The following TTC23 variants were observed in gnomAD, a reference collection of about 807,000 sequenced individuals.
TTC23 encodes tetratricopeptide repeat protein 23.
TTC23 carries 58 observed loss-of-function variants against 55.1 expected under a neutral mutation model. That is an observed-to-expected ratio of 1.05 (90% CI 0.85 to 1.31). TTC23 has a LOEUF of 1.31. Among genes scored for constraint, TTC23 ranks in the 50% most tolerant of loss-of-function variants. The pLI is 0.00. For synonymous variants in TTC23, 203 were observed against 199.9 expected (o/e 1.02, Z -0.13); for missense variants, 516 against 534.4 (o/e 0.97, Z 0.34).
intron 12 of TTC23, among the ~76,000 whole-genome samples, chr15:99,149,674 A>G (rs1302827552): frequency 6.6e-6 from 1 of 152,210 alleles, no homozygotes; most frequent in African/African-American, 2.4e-5. Flanking sequence ...ATATAAGAAC[A>G]ACCTGCCCAC....
At chr15:99,208,860 G>A (rs140159530) in intron 8 of TTC23, among the ~76,000 whole-genome samples, 80 of 152,280 alleles carry the variant, frequency 5.3e-4, no homozygotes, top group Middle Eastern at 3.4e-3. Flanking sequence ...ATTTTCTTAT[G>A]TGTAATGTTT....
chr15:99,191,721 G>A (rs1005689392), intron 9 of TTC23, among the ~76,000 whole-genome samples: 1 of 152,182 alleles, frequency 6.6e-6, no homozygotes, highest in Admixed American at 6.5e-5. Flanking sequence ...CATGAAAACA[G>A]ACTAATACAG....
chr15:99,233,265 G>GT (rs1249624913), intron 4 of TTC23, among the ~76,000 whole-genome samples: 3 of 152,168 alleles, frequency 2.0e-5, no homozygotes, highest in Non-Finnish European at 4.4e-5. Flanking sequence ...TAATACATAT[G>GT]TTAATTAGCT....
intron 12 of TTC23, among the ~76,000 whole-genome samples, chr15:99,147,752 A>G (rs2151854009): frequency 6.6e-6 from 1 of 152,298 alleles, no homozygotes; most frequent in Admixed American, 6.5e-5. Flanking sequence ...TGGGTTAGTC[A>G]AAGATGATTA....
intron 6 of TTC23, 74 bp downstream of exon 6, chr15:99,221,667 T>A (rs1403661784): frequency 1.7e-5 from 27 of 1,587,802 alleles, no homozygotes; most frequent in Non-Finnish European, 2.0e-5. Flanking sequence ...TCCTTCTAAT[T>A]AAGTGTGAAT....
chr15:99,172,164 C>T (rs536099360), intron 10 of TTC23, among the ~76,000 whole-genome samples: 12 of 152,056 alleles, frequency 7.9e-5, no homozygotes, highest in Non-Finnish European at 1.0e-4. Flanking sequence ...ACTACAGGCG[C>T]GCACCACCAC....
intron 1 of TTC23, among the ~76,000 whole-genome samples, chr15:99,246,381 C>A (rs974163160): frequency 6.6e-6 from 1 of 151,950 alleles, no homozygotes; most frequent in East Asian, 1.9e-4. Flanking sequence ...TTTGGGAGGC[C>A]GAGGTGGGCA....
chr15:99,199,646 G>T (rs956168525), intron 9 of TTC23, among the ~76,000 whole-genome samples: 1 of 152,042 alleles, frequency 6.6e-6, no homozygotes, highest in Non-Finnish European at 1.5e-5. Flanking sequence ...GGTAACATAC[G>T]CTCTAAATAG....
chr15:99,188,855 G>A (rs1410048471), intron 9 of TTC23, among the ~76,000 whole-genome samples: 1 of 152,042 alleles, frequency 6.6e-6, no homozygotes, highest in Non-Finnish European at 1.5e-5. Context: ...ATCATACATT[G>A]CTAATGGAAA....
chr15:99,150,302 C>T (rs782254683), intron 12 of TTC23, among the ~76,000 whole-genome samples: 2 of 152,186 alleles, frequency 1.3e-5, no homozygotes, highest in Non-Finnish European at 2.9e-5. Flanking sequence ...TCAACACTAT[C>T]CTCATAGTGA....
At chr15:99,203,494 A>C (rs1014149758) in intron 8 of TTC23, among the ~76,000 whole-genome samples, 1 of 152,060 alleles carries the variant, frequency 6.6e-6, no homozygotes, top group Admixed American at 6.6e-5. Context: ...TCCATTCTTT[A>C]ATTATTTAAA....
At position 99,157,521 on chromosome 15, in the gene TTC23, T is replaced by G. The variant is rs563631685; in HGVS notation, c.994-1224A>C. On this transcript the variant is annotated intron_variant, in intron 11 of 13. Coordinates refer to ENST00000394132, the MANE Select transcript of TTC23 (RefSeq NM_001288615.3). ...GCCACAATGCCCAGTCTAATTTTCA[T>G]ACATTTTAGTCCCATGCTTTTCTCC... 2.0e-5 allele frequency: 3 copies of G among 152,280 alleles called. No individual in the cohort carries two copies. The South Asian group carries it at 6.2e-4, about 32-fold the overall frequency. 9.4% of individuals were successfully genotyped at this position (152,280 alleles called of 1,614,324 possible).
rs73482315 is a variant in TTC23 at position 99,161,367 on chromosome 15, C to T, written c.993+373G>A. ...AAACAACTGAGCTGTAACTTCTGCA[C>T]CGTATAGTTTTCCTTAGACATGCAA... On this transcript the variant is annotated intron_variant, in intron 11 of 13. Transcript: ENST00000394132. 9.8e-3 allele frequency among the ~76,000 whole-genome samples: 1,487 copies of T among 152,258 alleles called. 37 individuals carry two copies. The highest frequency in any genetic ancestry group is 0.034 in the African/African-American group (1,412 of 41,536).
At chr15:99,223,389 A>T (rs773340937) in intron 5 of TTC23, among the ~76,000 whole-genome samples, 1 of 152,218 alleles carries the variant, frequency 6.6e-6, no homozygotes, top group Non-Finnish European at 1.5e-5. Flanking sequence ...GTATCCTTAT[A>T]TATGAAGAGG....
At chr15:99,148,439 T>C (rs1321559690) in intron 12 of TTC23, 29 of 144,298 alleles carry the variant, frequency 2.0e-4, no homozygotes, top group Non-Finnish European at 1.5e-5. Flanking sequence ...AAAAACTACG[T>C]TCCAACTCCT....
At chr15:99,204,565 C>A (rs776262700) in intron 8 of TTC23, among the ~76,000 whole-genome samples, 3 of 148,564 alleles carry the variant, frequency 2.0e-5, no homozygotes, top group Non-Finnish European at 4.4e-5. Context: ...TTGCCCAGAC[C>A]GATTTCCTGG....
At chr15:99,200,239 G>T in intron 8 of TTC23, 143 bp from the exon 9 acceptor site, 1 of 722,156 alleles carries the variant, frequency 1.4e-6, no homozygotes, top group Non-Finnish European at 2.1e-6. Context: ...TCCTCCAAGA[G>T]CCAGCAGGGC....
chr15:99,237,040 G>T (rs2079383014), intron 3 of TTC23, among the ~76,000 whole-genome samples: 1 of 148,816 alleles, frequency 6.7e-6, no homozygotes, highest in Non-Finnish European at 1.5e-5. Context: ...GGAGTACAAT[G>T]GCACAATCCT....
chr15:99,183,940 G>A (rs112172589), intron 9 of TTC23, among the ~76,000 whole-genome samples: 1,800 of 152,206 alleles, frequency 0.012, 41 homozygotes, highest in African/African-American at 0.041. Context: ...TGCAGCCTAG[G>A]GACTCGGTGC....
Sources: allele counts gnomAD v4.1 joint callset (sites outside exome capture counted in the v4.1 genomes callset), GRCh38; gene constraint gnomAD v4.1.1; transcripts MANE v1.5; gene names NCBI Gene and HGNC (gene_info 2026-07-23, HGNC 2026-07-21).